Variants in PSMB7 observed in about 807,000 individuals in gnomAD.
PSMB7 encodes proteasome 20S subunit beta 7, also known as proteasome subunit beta type-7.
Under a neutral mutation model 28.1 loss-of-function variants are expected in PSMB7, and 5 were observed. That is an observed-to-expected ratio of 0.18 (90% CI 0.09 to 0.37). The LOEUF (loss-of-function observed/expected upper bound fraction) is 0.37. Ranked by LOEUF, PSMB7 falls within the 10% of genes least tolerant of loss-of-function variation. The pLI, the probability that PSMB7 is intolerant of heterozygous loss-of-function variation, is 1.00. For synonymous variants in PSMB7, 122 were observed against 123.7 expected (o/e 0.99, Z 0.09); for missense variants, 275 against 346.2 (o/e 0.79, Z 1.63).
At chr9:124,389,128 G>C (rs956794622) in intron 5 of PSMB7, among the ~76,000 whole-genome samples, 1 of 152,178 alleles carries the variant, frequency 6.6e-6, no homozygotes, top group Non-Finnish European at 1.5e-5. Flanking sequence ...TACCATACTA[G>C]GCTGAATATA....
chr9:124,414,407 C>T (rs575514563), intron 2 of PSMB7, among the ~76,000 whole-genome samples: 1 of 152,156 alleles, frequency 6.6e-6, no homozygotes, highest in African/African-American at 2.4e-5. Flanking sequence ...TCCCTTTTGA[C>T]GTTTCCAACA....
chr9:124,373,892 A>G (rs1297636285), intron 6 of PSMB7, among the ~76,000 whole-genome samples: 1 of 152,252 alleles, frequency 6.6e-6, no homozygotes, highest in Non-Finnish European at 1.5e-5. Flanking sequence ...TCTTGCTCCT[A>G]GAATTTCTCT....
chr9:124,412,438 A>G lies in PSMB7; in HGVS notation c.309T>C (p.Ser103=). Residue 103 remains serine, a synonymous_variant, in exon 4 of 8, where the codon TCT becomes TCC. Coordinates refer to ENST00000259457, the MANE Select transcript of PSMB7 (RefSeq NM_002799.4). ...AGAGGGAGTGGAGCTCCAGGTTGGA[A>G]GAAATGAGCTGGGTTGTCATGTCTG... is the stretch of plus-strand genomic sequence containing the variant. ...ADTDMTTQLI[S]SNLELHSLST... 1 of 1,614,198 alleles carries G rather than the reference A, an allele frequency of 6.2e-7. No homozygotes were observed. The highest frequency in any genetic ancestry group is 8.5e-7 in the Non-Finnish European group (1 of 1,180,032).
In PSMB7 at chr9:124,354,395, G is replaced by A. The variant is rs531304382; in HGVS notation, c.723-686C>T. ...ACAGTGGGTCAGGAATTAGGATACT[G>A]TCAAATGGCAGCACACAACCAACTG... On this transcript the variant is annotated intron_variant, in intron 7 of 7. Coordinates refer to ENST00000259457, the MANE Select transcript of PSMB7 (RefSeq NM_002799.4). 1.2e-3 allele frequency among the ~76,000 whole-genome samples: 176 copies of A among 152,364 alleles called. 4 individuals carry two copies. The highest frequency in any genetic ancestry group is 3.2e-3 in the African/African-American group (132 of 41,578).
chr9:124,373,268 T>A (rs1830579775), intron 6 of PSMB7, among the ~76,000 whole-genome samples: 1 of 152,226 alleles, frequency 6.6e-6, no homozygotes, highest in African/African-American at 2.4e-5. Context: ...TAGAAATCAC[T>A]ACTTAGAATA....
chr9:124,408,024 A>G (rs554051826), intron 4 of PSMB7, among the ~76,000 whole-genome samples: 4 of 152,254 alleles, frequency 2.6e-5, no homozygotes, highest in African/African-American at 9.6e-5. Flanking sequence ...TTAGACAAAC[A>G]TGGTGGCGTG....
intron 6 of PSMB7, among the ~76,000 whole-genome samples, chr9:124,357,777 G>A (rs574075687): frequency 3.3e-5 from 5 of 152,298 alleles, no homozygotes; most frequent in African/African-American, 1.2e-4. Flanking sequence ...TGCCCCCTAG[G>A]GGCTTAAGAG....
intron 4 of PSMB7, among the ~76,000 whole-genome samples, chr9:124,408,750 T>C (rs932513745): frequency 2.0e-5 from 3 of 152,144 alleles, no homozygotes; most frequent in Non-Finnish European, 4.4e-5. Context: ...AGGATATATA[T>C]CTAGAACAAA....
At chr9:124,367,115 T>C (rs1830516248) in intron 6 of PSMB7, among the ~76,000 whole-genome samples, 1 of 152,046 alleles carries the variant, frequency 6.6e-6, no homozygotes, top group Admixed American at 6.5e-5. Flanking sequence ...ATATTCTCAA[T>C]GAGAGATGGT....
rs561638075 is a variant in PSMB7 at position 124,361,080 on chromosome 9, C to G, written c.571-4165G>C. Among the ~76,000 whole-genome samples, 4 of 152,182 alleles carry G rather than the reference C, an allele frequency of 2.6e-5. No individual in the cohort carries two copies. The East Asian group carries it at 7.7e-4, about 29-fold the overall frequency. On this transcript the variant is annotated intron_variant, in intron 6 of 7. Coordinates refer to ENST00000259457, the MANE Select transcript of PSMB7 (RefSeq NM_002799.4). ...AGAGAAGTTCCTATAATAATTAATC[C>G]AAGCAAAAAGCATACTCCCTAAAGT...
chr9:124,415,100 AAGAC>A, intron 1 of PSMB7, 165 bp from the exon 2 acceptor site: 1 of 633,592 alleles, frequency 1.6e-6, no homozygotes, highest in Non-Finnish European at 2.7e-6. Flanking sequence ...TTTTCCAACG[AAGAC>A]AGTCTTACAA....
intron 6 of PSMB7, among the ~76,000 whole-genome samples, chr9:124,362,584 A>G (rs1830472991): frequency 1.3e-5 from 2 of 152,168 alleles, no homozygotes; most frequent in Non-Finnish European, 2.9e-5. Context: ...GAGGCAGGGG[A>G]GGGTTGGGGA....
At chr9:124,396,630 T>A (rs1830846016) in intron 5 of PSMB7, 3 of 383,030 alleles carry the variant, frequency 7.8e-6, no homozygotes, top group African/African-American at 6.4e-5. Flanking sequence ...CAATGTTTAT[T>A]CCTTAAGTCA....
intron 5 of PSMB7, among the ~76,000 whole-genome samples, chr9:124,393,302 C>T (rs545156948): frequency 7.0e-4 from 106 of 152,242 alleles, no homozygotes; most frequent in Non-Finnish European, 1.3e-3. Context: ...AGCTTCCCGG[C>T]GAGGCAAGCC....
At chr9:124,370,511 C>CT (rs11414250) in intron 6 of PSMB7, among the ~76,000 whole-genome samples, 149,950 of 152,258 alleles carry the variant, frequency 0.98, 73,867 homozygotes, top group East Asian at 1. Flanking sequence ...AATTTGCTGA[C>CT]TTTCCCCCCT....
chr9:124,389,338 C>T (rs1830760699), intron 5 of PSMB7, among the ~76,000 whole-genome samples: 1 of 152,226 alleles, frequency 6.6e-6, no homozygotes, highest in Non-Finnish European at 1.5e-5. Context: ...CATGAAGCTG[C>T]TCCTTAGCAA....
chr9:124,376,390 GA>G (rs201824107), intron 6 of PSMB7, among the ~76,000 whole-genome samples: 15 of 147,478 alleles, frequency 1.0e-4, no homozygotes, highest in African/African-American at 3.0e-4. Context: ...GTTTAAAAAT[GA>G]AAAAAAAAAT....
At chr9:124,387,405 T>A (rs1588576271) in intron 5 of PSMB7, among the ~76,000 whole-genome samples, 2 of 152,312 alleles carry the variant, frequency 1.3e-5, no homozygotes, top group East Asian at 3.9e-4. Flanking sequence ...GACAGGCATA[T>A]AAGACAAGTA....
chr9:124,389,716 T>C (rs1830764588), intron 5 of PSMB7, among the ~76,000 whole-genome samples: 1 of 152,170 alleles, frequency 6.6e-6, no homozygotes, highest in Admixed American at 6.5e-5. Flanking sequence ...TCAAAGCTCC[T>C]CCTGCAACCA....
Sources: gnomAD v4.1 joint callset for allele counts (sites outside exome capture counted in the v4.1 genomes callset) on GRCh38, gnomAD v4.1.1 for gene constraint, MANE v1.5 for transcripts, NCBI Gene and HGNC (gene_info 2026-07-23, HGNC 2026-07-21) for gene names.